FTL: variants seen among roughly 807,000 people sequenced by gnomAD.
FTL encodes the protein epididymis secretory sperm binding protein.
A neutral mutation model predicts 16.6 loss-of-function variants in FTL; 17 were observed. The observed-to-expected ratio is 1.02, with a 90% CI of 0.70 to 1.53. FTL has a LOEUF of 1.53. Ranked by LOEUF, FTL falls within the 40% of genes most tolerant of loss-of-function variation. FTL has a pLI of 0.00. For missense variants in FTL, 186 were observed against 226.1 expected (o/e 0.82, Z 1.14); for synonymous variants, 73 against 89.9 (o/e 0.81, Z 1.06).
At chr19:48,966,095 A>C in intron 2 of FTL, 179 bp downstream of exon 2, 2 of 1,190,064 alleles carry the variant, frequency 1.7e-6, no homozygotes, top group Non-Finnish European at 2.5e-6. Flanking sequence ...GCGGCAGTCC[A>C]CACCGCTGCG....
In FTL at chr19:48,965,575, T is replaced by G; in HGVS notation, c.68T>G (p.Leu23Trp). The change falls in exon 1 of 4, where the codon TTG (leucine) becomes TGG (tryptophan). Residue 23 changes from leucine to tryptophan, a missense_variant. By Grantham distance (61) the Leu-to-Trp change is moderately conservative. Coordinates refer to ENST00000331825, the MANE Select transcript of FTL (RefSeq NM_000146.4). ...VEAAVNSLVN[L>W]YLQASYTYLS... ...GCAGCCGTCAACAGCCTGGTCAATT[T>G]GTACCTGCAGGCCTCCTACACCTAC... 1 of 1,614,052 alleles carries G rather than the reference T, an allele frequency of 6.2e-7. No individual in the cohort carries two copies. Among genetic ancestry groups the G allele is most frequent in the East Asian group, 2.2e-5 (1 of 44,870 alleles).
chr19:48,966,066 C>T (rs150366665), intron 2 of FTL, 150 bp downstream of exon 2: 2 of 1,213,376 alleles, frequency 1.6e-6, no homozygotes, highest in Non-Finnish European at 2.4e-6. Flanking sequence ...AGGCGCACCT[C>T]GTGCAGTGCC....
intron 2 of FTL, 112 bp downstream of exon 2, chr19:48,966,028 T>C: frequency 7.1e-7 from 1 of 1,409,872 alleles, no homozygotes; most frequent in Non-Finnish European, 9.8e-7. Context: ...AGTTCGGTCT[T>C]GTGAGCCCTC....
In FTL at chr19:48,966,418, C is replaced by T; in HGVS notation, c.375+12C>T. The T allele has an allele frequency of 6.2e-7, 1 of 1,614,166 alleles. No individual in the cohort carries two copies. Among genetic ancestry groups the T allele is most frequent in the Non-Finnish European group, 8.5e-7 (1 of 1,180,032 alleles). ...GCACGGACCCCCATGTACGTACCCG[C>T]TGCATCCATGGCTACCCAACCATAC... On this transcript the variant is annotated intron_variant, in intron 3 of 3. Transcript: ENST00000331825.
chr19:48,966,311 C>G lies in FTL; in HGVS notation c.280C>G (p.Pro94Ala). Residue 94 changes from proline to alanine, a missense_variant, in exon 3 of 4, where the codon CCA (proline) becomes GCA (alanine). Coordinates refer to ENST00000331825, the MANE Select transcript of FTL (RefSeq NM_000146.4). ...AGCTGAAGATGAGTGGGGTAAAACC[C>G]CAGACGCCATGAAAGCTGCCATGGC... ...KPAEDEWGKTPDAMKAAMALE... is the reference protein window; with the variant it reads ...KPAEDEWGKTADAMKAAMALE... 1 of 1,614,098 alleles carries G rather than the reference C, an allele frequency of 6.2e-7. No homozygotes were observed. The highest frequency in any genetic ancestry group is 8.5e-7 in the Non-Finnish European group (1 of 1,180,014).
chr19:48,966,242 G>A (rs753926156), intron 2 of FTL, 39 bp from the exon 3 acceptor site: 4 of 1,613,310 alleles, frequency 2.5e-6, no homozygotes, highest in Non-Finnish European at 2.5e-6. Context: ...TCTATGTGCC[G>A]AGTGTGTGTA....
Position 48,965,754 on chromosome 19 carries a change from C to A in FTL, c.103-16C>A. 6.2e-7 allele frequency: 1 copy of A among 1,614,126 alleles called. No individual in the cohort carries two copies. Among genetic ancestry groups the A allele is most frequent in the Non-Finnish European group, 8.5e-7 (1 of 1,179,998 alleles). On this transcript the variant is annotated splice_polypyrimidine_tract_variant and intron_variant, in intron 1 of 3. Coordinates refer to ENST00000331825, the MANE Select transcript of FTL (RefSeq NM_000146.4). ...CGCCTCCCGCTAACCATTGTTGCCTCCATCTCTTCCCGTAGGGCTTCTATT... is the reference window on the plus strand; with the variant it reads ...CGCCTCCCGCTAACCATTGTTGCCTACATCTCTTCCCGTAGGGCTTCTATT...
rs201971200 is a variant in FTL at position 48,965,580 on chromosome 19, C to T, written c.73C>T (p.Leu25=). 2.5e-4 allele frequency: 401 copies of T among 1,613,804 alleles called. 2 individuals are homozygous for T. Among genetic ancestry groups the T allele is most frequent in the Non-Finnish European group, 5.3e-5 (62 of 1,179,794 alleles). Residue 25 remains leucine (L), a synonymous_variant, in exon 1 of 4, where the codon CTG becomes TTG. Coordinates refer to ENST00000331825, the MANE Select transcript of FTL (RefSeq NM_000146.4). The stretch of plus-strand genomic sequence containing the variant: ...CGTCAACAGCCTGGTCAATTTGTAC[C>T]TGCAGGCCTCCTACACCTACCTCTC... The part of the protein sequence containing the change: ...AAVNSLVNLY[L]QASYTYLSLG...
Position 48,966,293 on chromosome 19 carries a change from G to C in FTL, c.262G>C (p.Asp88His). The part of the protein sequence containing the change: ...LFQDIKKPAE[D>H]EWGKTPDAMK... ...CCCTTCTATATAGAAGCCAGCTGAAGATGAGTGGGGTAAAACCCCAGACGC... is the reference window on the plus strand; with the variant it reads ...CCCTTCTATATAGAAGCCAGCTGAACATGAGTGGGGTAAAACCCCAGACGC... Residue 88 changes from aspartate to histidine, a missense_variant, in exon 3 of 4, where the codon GAT becomes CAT. Coordinates refer to ENST00000331825, the MANE Select transcript of FTL (RefSeq NM_000146.4). 1 of 1,614,130 alleles carries C rather than the reference G, an allele frequency of 6.2e-7. No homozygotes were observed. Among genetic ancestry groups the C allele is most frequent in the Non-Finnish European group, 8.5e-7 (1 of 1,180,020 alleles).
intron 2 of FTL, 104 bp from the exon 3 acceptor site, chr19:48,966,177 T>G: frequency 6.6e-7 from 1 of 1,518,856 alleles, no homozygotes; most frequent in Non-Finnish European, 9.1e-7. Flanking sequence ...CTGTCACATG[T>G]CTTTGTGGCC....
chr19:48,966,207 G>A (rs2038452224), intron 2 of FTL, 74 bp from the exon 3 acceptor site: 8 of 1,603,620 alleles, frequency 5.0e-6, no homozygotes, highest in Admixed American at 3.3e-5. Flanking sequence ...GACCCCCAAC[G>A]ACTCTTGGGA....
chr19:48,965,471 A>T lies in FTL; in HGVS notation c.-37A>T. 7.0e-7 allele frequency: 1 copy of T among 1,434,060 alleles called. No individual in the cohort carries two copies. Among genetic ancestry groups the T allele is most frequent in the Non-Finnish European group, 9.8e-7 (1 of 1,021,124 alleles). The allele number at this position is 1,434,060 out of a possible 1,614,324, so 88.8% of individuals were successfully genotyped here. ...TCTCCTGCTTCTGGGACCTGCCAGC[A>T]CCGTTTTTGTGGTTAGCTCCTTCTT... is the stretch of plus-strand genomic sequence containing the variant. On this transcript the variant is annotated 5_prime_UTR_variant, in exon 1 of 4. Transcript: ENST00000331825.
chr19:48,966,243 A>C, intron 2 of FTL, 38 bp from the exon 3 acceptor site: 1 of 1,613,480 alleles, frequency 6.2e-7, no homozygotes, highest in Non-Finnish European at 8.5e-7. Context: ...CTATGTGCCG[A>C]GTGTGTGTAT....
rs1384222316 is a variant in FTL, at chr19:48,966,875, A to C, written c.*140A>C. The C allele has an allele frequency of 1.1e-6, 1 of 901,500 alleles. No homozygotes were observed. Among genetic ancestry groups the C allele is most frequent in the Non-Finnish European group, 1.8e-6 (1 of 565,788 alleles). 55.8% of individuals were successfully genotyped at this position (901,500 alleles called of 1,614,324 possible). On this transcript the variant is annotated 3_prime_UTR_variant, in exon 4 of 4. Coordinates refer to ENST00000331825, the MANE Select transcript of FTL (RefSeq NM_000146.4). The stretch of plus-strand genomic sequence containing the variant: ...GACCAAATGGAAATAAAGCTTTTTG[A>C]TGCAGCTGGTGGTTTTGTGTGTGGT...
Position 48,965,484 on chromosome 19 carries a change from T to C in FTL, c.-24T>C. 1 of 1,552,328 alleles carries C rather than the reference T, an allele frequency of 6.4e-7. No homozygotes were observed. ...GGACCTGCCAGCACCGTTTTTGTGG[T>C]TAGCTCCTTCTTGCCAACCAACCAT... On this transcript the variant is annotated 5_prime_UTR_variant, in exon 1 of 4. Coordinates refer to ENST00000331825, the MANE Select transcript of FTL (RefSeq NM_000146.4).
rs1464166920 is a variant in FTL, at chr19:48,966,064, C to G, written c.249+148C>G. The G allele has an allele frequency of 2.4e-6, 3 of 1,226,966 alleles. No homozygotes were observed. In the East Asian group the frequency reaches 7.5e-5, roughly 31 times the overall value. The allele number at this position is 1,226,966 out of a possible 1,614,324, so 76.0% of individuals were successfully genotyped here. On this transcript the variant is annotated intron_variant, in intron 2 of 3. Coordinates refer to ENST00000331825, the MANE Select transcript of FTL (RefSeq NM_000146.4). The stretch of plus-strand genomic sequence containing the variant: ...TTAACCGCTGGAAATAGAGGCGCAC[C>G]TCGTGCAGTGCCCACAACACGCGGC...
chr19:48,966,158 A>G, intron 2 of FTL, 123 bp from the exon 3 acceptor site: 2 of 1,440,126 alleles, frequency 1.4e-6, no homozygotes, highest in Non-Finnish European at 2.0e-6. Flanking sequence ...GGAGAGTGAT[A>G]AATACAAGCT....
At position 48,965,391 on chromosome 19, in the gene FTL, G is replaced by C; in HGVS notation, c.-117G>C. The stretch of plus-strand genomic sequence containing the variant: ...ATCCGGGGACTCTCTTCCAGCCTCC[G>C]ACCGCCCTCCGATTTCCTCTCCGCT... On this transcript the variant is annotated 5_prime_UTR_variant, in exon 1 of 4. Coordinates refer to ENST00000331825, the MANE Select transcript of FTL (RefSeq NM_000146.4). 1 of 754,584 alleles carries C rather than the reference G, an allele frequency of 1.3e-6. No individual in the cohort carries two copies. Among genetic ancestry groups the C allele is most frequent in the Non-Finnish European group, 2.4e-6 (1 of 422,304 alleles). The allele number at this position is 754,584 out of a possible 1,614,324, so 46.7% of individuals were successfully genotyped here.
rs2038440053 is a variant in FTL, at chr19:48,965,448, T to C, written c.-60T>C. ...CTCCGGGACCATCTTCTCGGCCATC[T>C]CCTGCTTCTGGGACCTGCCAGCACC... On this transcript the variant is annotated 5_prime_UTR_variant, in exon 1 of 4. Coordinates refer to ENST00000331825, the MANE Select transcript of FTL (RefSeq NM_000146.4). The C allele has an allele frequency of 2.6e-6, 3 of 1,154,342 alleles. No homozygotes were observed. The African/African-American group carries it at 4.5e-5, about 17-fold the overall frequency. The allele number at this position is 1,154,342 out of a possible 1,614,324, so 71.5% of individuals were successfully genotyped here. A position where few individuals can be genotyped will look rare whatever the true frequency, so the allele number is the denominator to read the frequency against.
Sources: gnomAD v4.1 joint callset for allele counts on GRCh38, gnomAD v4.1.1 for gene constraint, MANE v1.5 for transcripts, NCBI Gene and HGNC (gene_info 2026-07-23, HGNC 2026-07-21) for gene names.